FCSK: variants seen among roughly 807,000 people sequenced by gnomAD.
FCSK encodes L-fucose kinase.
FCSK carries 123 observed loss-of-function variants against 122.5 expected under a neutral mutation model. The observed-to-expected ratio is 1.00, with a 90% CI of 0.87 to 1.17. FCSK has a LOEUF of 1.17. Among genes scored for constraint, FCSK ranks in the 50% most tolerant of loss-of-function variants. The pLI, the probability that FCSK is intolerant of heterozygous loss-of-function variation, is 0.00. For missense variants in FCSK, 1,366 were observed against 1,450.4 expected (o/e 0.94, Z 0.95); for synonymous variants, 620 against 625.5 (o/e 0.99, Z 0.13).
Position 70,471,317 on chromosome 16 carries a change from GC to G in FCSK, c.1308del (p.Phe437SerfsTer137), listed in dbSNP as rs1567705232. 1 of 1,598,158 alleles carries G rather than the reference GC, an allele frequency of 6.3e-7. No homozygotes were observed. Among genetic ancestry groups the G allele is most frequent in the Non-Finnish European group, 8.5e-7 (1 of 1,172,048 alleles). ...GCGGCTACACGGCTCCCCGGGCCACGCCTTCACCCTCGTTGGCCGTCTGGAC... is the reference window on the plus strand; with the variant it reads ...GCGGCTACACGGCTCCCCGGGCCACGCTTCACCCTCGTTGGCCGTCTGGAC... ...HTRLHGSPGH[A>X]FTLVGRLDSW... On this transcript the variant is annotated frameshift_variant, in exon 13 of 24. Transcript: ENST00000288078. LOFTEE classifies it high-confidence loss of function.
In FCSK at chr16:70,469,254, G is replaced by A. The variant is rs371768148; in HGVS notation, c.886G>A (p.Val296Ile). Residue 296 changes from valine to isoleucine, a missense_variant, in exon 10 of 24, where the codon GTA (valine) becomes ATA (isoleucine). Transcript: ENST00000288078. ...PPELGQGDAD[V>I]AGYLQSARAQ... ...AGAGTTGGGGCAAGGCGATGCAGAT[G>A]TAGCGGGTTATCTGCAGAGCGCCCG... 8.7e-6 allele frequency: 14 copies of A among 1,613,654 alleles called. No homozygotes were observed. The highest frequency in any genetic ancestry group is 1.7e-5 in the Admixed American group (1 of 59,994).
intron 19 of FCSK, 45 bp from the exon 20 acceptor site, chr16:70,475,603 A>G: frequency 6.4e-7 from 1 of 1,573,514 alleles, no homozygotes; most frequent in Non-Finnish European, 8.7e-7. Context: ...AGGCCTGGGC[A>G]GGGTGGAGGT....
chr16:70,473,061 C>T lies in FCSK; in HGVS notation c.1485C>T (p.His495=). 1.3e-6 allele frequency: 2 copies of T among 1,590,028 alleles called. No homozygotes were observed. Among genetic ancestry groups the T allele is most frequent in the Admixed American group, 1.8e-5 (1 of 56,806 alleles). Residue 495 remains histidine (H), a synonymous_variant, in exon 15 of 24, where the codon CAC becomes CAT. Transcript: ENST00000288078. This position sits in a 1 kb window ranked among gnomAD's most constrained non-coding sequence, Gnocchi z 4.9. ...GCGCCCGCCTCTTTCCTGTGCTCCACCCCTCGAGGGAGCTGGGACCCCAGG... is the reference window on the plus strand; with the variant it reads ...GCGCCCGCCTCTTTCCTGTGCTCCATCCCTCGAGGGAGCTGGGACCCCAGG... The part of the protein sequence containing the change: ...LPSARLFPVL[H]PSRELGPQDL...
chr16:70,466,441 T>G (rs1029655638), intron 5 of FCSK, 184 bp downstream of exon 5: 2 of 718,566 alleles, frequency 2.8e-6, no homozygotes, highest in Non-Finnish European at 2.2e-6. Context: ...GCCTATAATT[T>G]CAGCACTTTG....
chr16:70,479,595 G>C lies in FCSK; in HGVS notation c.3170G>C (p.Ser1057Thr). 6.2e-7 allele frequency: 1 copy of C among 1,614,008 alleles called. No homozygotes were observed. Among genetic ancestry groups the C allele is most frequent in the Non-Finnish European group, 8.5e-7 (1 of 1,179,908 alleles). ...LAKTEGLGNY[S>T]IHLVEVDTQG... ...CTTGTCCAGGGCCTTGGGAATTACA[G>C]CATCCACCTGGTTGAAGTGGACACT... is the stretch of plus-strand genomic sequence containing the variant. The change falls in exon 24 of 24, where the codon AGC becomes ACC. Residue 1057 changes from serine to threonine, a missense_variant. Ser to Thr is a moderately conservative substitution (Grantham distance 58). Coordinates refer to ENST00000288078, the MANE Select transcript of FCSK (RefSeq NM_145059.3).
At position 70,467,411 on chromosome 16, in the gene FCSK, C is replaced by T. The variant is rs35036235; in HGVS notation, c.522C>T (p.Ile174=). 12,138 of 1,610,528 alleles carry T rather than the reference C, an allele frequency of 7.5e-3. 877 individuals carry two copies. In the Admixed American group the frequency reaches 0.14, roughly 19 times the overall value. ...ACAGCTTCCGGGGAGCCAGAGTGAT[C>T]GCCCTCCCAGGGAGCCCGGCCTACG... ...SWDSFRGARV[I]ALPGSPAYAQ... is the part of the protein sequence containing the mutation. Residue 174 remains isoleucine, a synonymous_variant, in exon 7 of 24, where the codon ATC becomes ATT. Transcript: ENST00000288078.
At chr16:70,457,262 TC>T (rs1484038022) in intron 1 of FCSK, among the ~76,000 whole-genome samples, 2 of 152,124 alleles carry the variant, frequency 1.3e-5, no homozygotes, top group East Asian at 3.9e-4. Context: ...CTGGGGCATT[TC>T]TTTTTTTTCT....
chr16:70,475,837 T>C (rs1349330213), intron 20 of FCSK, 70 bp downstream of exon 20: 3 of 1,434,588 alleles, frequency 2.1e-6, no homozygotes, highest in East Asian at 4.9e-5. Context: ...GGAGTGGGGC[T>C]CCCCTGGATT....
In FCSK at chr16:70,465,144, C is replaced by G. The variant is rs1484231360; in HGVS notation, c.253C>G (p.Leu85Val). Residue 85 changes from leucine to valine, a missense_variant, in exon 4 of 24, where the codon CTG (leucine) becomes GTG (valine). Coordinates refer to ENST00000288078, the MANE Select transcript of FCSK (RefSeq NM_145059.3). ...CCTGCAGGTGGTCACATCCGATGTCCTGCACTCGGCCTGGATCCTCATTCT... is the reference window on the plus strand; with the variant it reads ...CCTGCAGGTGGTCACATCCGATGTCGTGCACTCGGCCTGGATCCTCATTCT... Reference protein sequence around the residue: ...AGFTVVTSDVLHSAWILILHM... With the variant: ...AGFTVVTSDVVHSAWILILHM... 2 of 1,613,626 alleles carry G rather than the reference C, an allele frequency of 1.2e-6. No individual in the cohort carries two copies. Among genetic ancestry groups the G allele is most frequent in the African/African-American group, 2.7e-5 (2 of 74,914 alleles).
intron 20 of FCSK, 52 bp from the exon 21 acceptor site, chr16:70,478,220 G>A: frequency 6.3e-7 from 1 of 1,585,074 alleles, no homozygotes; most frequent in Non-Finnish European, 8.6e-7. Context: ...TAGGCTGGGA[G>A]AGTGAAGCTG....
In FCSK at chr16:70,474,566, G is replaced by GGGCT. The variant is rs925973581; in HGVS notation, c.2030_2033dup (p.Gln679TrpfsTer33). 6 of 1,557,176 alleles carry GGGCT rather than the reference G, an allele frequency of 3.9e-6. No individual in the cohort carries two copies. In the African/African-American group the frequency reaches 8.2e-5, roughly 21 times the overall value. ...GTGCGAGCGGCCCGCCACTATGAGG[G>GGGCT]GGCTGGTCAGATCCTGATCCGCCAG... On this transcript the variant is annotated frameshift_variant, in exon 17 of 24. Transcript: ENST00000288078. LOFTEE classifies it high-confidence loss of function.
chr16:70,458,233 C>G (rs2151697681), intron 1 of FCSK, among the ~76,000 whole-genome samples: 1 of 149,896 alleles, frequency 6.7e-6, no homozygotes, highest in East Asian at 2.0e-4. Context: ...AATCTCTGCT[C>G]ACTGCAACCA....
chr16:70,459,199 G>A (rs1319969713), intron 1 of FCSK, among the ~76,000 whole-genome samples: 2 of 150,472 alleles, frequency 1.3e-5, no homozygotes, highest in Middle Eastern at 6.8e-3. Context: ...CTCCAGTCTG[G>A]GTGACAGATT....
intron 20 of FCSK, 189 bp downstream of exon 20, chr16:70,475,956 C>A: frequency 1.8e-6 from 1 of 560,760 alleles, no homozygotes; most frequent in Non-Finnish European, 2.9e-6. Flanking sequence ...TTCTACCTCC[C>A]AACGAGCCGT....
intron 1 of FCSK, among the ~76,000 whole-genome samples, chr16:70,457,081 A>T (rs1195328527): frequency 2.0e-5 from 3 of 151,982 alleles, no homozygotes; most frequent in Non-Finnish European, 4.4e-5. Context: ...AGAGGTAGAG[A>T]TGGGGACAGA....
At chr16:70,475,223 C>T (rs903794422) in intron 18 of FCSK, 127 bp from the exon 19 acceptor site, 14 of 1,162,274 alleles carry the variant, frequency 1.2e-5, no homozygotes, top group South Asian at 8.8e-5. Flanking sequence ...GGGGATGGGG[C>T]CAGTACTGCT....
At chr16:70,469,130 G>T in intron 9 of FCSK, 22 bp from the exon 10 acceptor site, 1 of 1,613,734 alleles carries the variant, frequency 6.2e-7, no homozygotes, top group Non-Finnish European at 8.5e-7. Context: ...GCCAATAGCT[G>T]TGCTTCTTCC....
At chr16:70,477,477 C>T (rs17886064) in intron 20 of FCSK, 10,858 of 152,128 alleles carry the variant, frequency 0.071, 1,339 homozygotes, top group African/African-American at 0.25. Context: ...CCACCATGCC[C>T]GGACTAGTTT....
rs17880985 is a variant in FCSK at position 70,470,402 on chromosome 16, C to G, written c.1044C>G (p.Ala348=). Residue 348 remains alanine (A), a synonymous_variant, in exon 11 of 24, where the codon GCC becomes GCG. Transcript: ENST00000288078. ...LSLTLPGAPG[A]QIVHSQVEEQ... ...TCACACTCCCCGGGGCTCCTGGGGC[C>G]CAGATTGTGCACTCCCAGGTGGAGG... 7,311 of 1,612,704 alleles carry G rather than the reference C, an allele frequency of 4.5e-3. 23 individuals are homozygous for G. Among genetic ancestry groups the G allele is most frequent in the Non-Finnish European group, 5.7e-3 (6,685 of 1,179,030 alleles).
Sources: gnomAD v4.1 joint callset for allele counts (sites outside exome capture counted in the v4.1 genomes callset) on GRCh38, gnomAD v4.1.1 for gene constraint, Gnocchi (gnomAD v3.1) non-coding constraint, MANE v1.5 for transcripts, NCBI Gene and HGNC (gene_info 2026-07-23, HGNC 2026-07-21) for gene names.